AGO2: variants seen among roughly 807,000 people sequenced by gnomAD.
The protein encoded by AGO2 is argonaute RISC catalytic component 2.
A neutral mutation model predicts 102.3 loss-of-function variants in AGO2; 5 were observed. That is an observed-to-expected ratio of 0.05 (90% CI 0.03 to 0.10). The LOEUF (loss-of-function observed/expected upper bound fraction) is 0.10. AGO2 is among the 10% of genes least tolerant of loss of function. AGO2 has a pLI of 1.00. For missense variants in AGO2, 541 were observed against 1,183.7 expected (o/e 0.46, Z 7.97); for synonymous variants, 449 against 473.1 (o/e 0.95, Z 0.66).
At chr8:140,632,343 C>T (rs944362693) in intron 1 of AGO2, among the ~76,000 whole-genome samples, 1 of 152,254 alleles carries the variant, frequency 6.6e-6, no homozygotes, top group Non-Finnish European at 1.5e-5. Flanking sequence ...GATATCCTGC[C>T]ATGGCAGATG....
At chr8:140,627,103 A>T (rs2074288093) in intron 1 of AGO2, among the ~76,000 whole-genome samples, 1 of 152,228 alleles carries the variant, frequency 6.6e-6, no homozygotes, top group South Asian at 2.1e-4. Context: ...CTCCCCATTT[A>T]TATCCAGTGC....
chr8:140,573,399 A>C (rs1262616389), intron 2 of AGO2, among the ~76,000 whole-genome samples: 2 of 151,790 alleles, frequency 1.3e-5, no homozygotes, highest in East Asian at 3.9e-4. Flanking sequence ...GGCTGGTCTC[A>C]AACTCCCAAC....
intron 10 of AGO2, among the ~76,000 whole-genome samples, chr8:140,551,704 G>A (rs1371867793): frequency 1.3e-5 from 2 of 151,042 alleles, no homozygotes; most frequent in Non-Finnish European, 3.0e-5. Flanking sequence ...TGGGTCGGTG[G>A]ATAGTTGATG....
chr8:140,590,436 G>T (rs1484920666), intron 1 of AGO2, among the ~76,000 whole-genome samples: 3 of 152,078 alleles, frequency 2.0e-5, no homozygotes, highest in Admixed American at 1.3e-4. Context: ...GGGGTCCCAG[G>T]TCCCTGGCCA....
intron 8 of AGO2, among the ~76,000 whole-genome samples, chr8:140,556,602 C>A (rs901075844): frequency 6.6e-6 from 1 of 152,158 alleles, no homozygotes; most frequent in East Asian, 1.9e-4. Flanking sequence ...TCGGTGGCTG[C>A]GGGCGTGAAA....
chr8:140,552,841 G>A (rs559365323), intron 10 of AGO2, among the ~76,000 whole-genome samples: 8 of 152,124 alleles, frequency 5.3e-5, no homozygotes, highest in Non-Finnish European at 8.8e-5. Flanking sequence ...TCTTTGTTAC[G>A]GGGCTGTCCT....
At position 140,559,354 on chromosome 8, in the gene AGO2, C is replaced by T. The variant is rs1284291753; in HGVS notation, c.790+41G>A. The T allele has an allele frequency of 3.7e-6, 6 of 1,602,488 alleles. No homozygotes were observed. The African/African-American group carries it at 6.7e-5, about 18-fold the overall frequency. On this transcript the variant is annotated intron_variant, in intron 6 of 18. Coordinates refer to ENST00000220592, the MANE Select transcript of AGO2 (RefSeq NM_012154.5). ...GTCCCGGAGGCGGACCGGGAAGGGG[C>T]CTCCCAGCCCTCAGCCAGGTGTGCT...
At chr8:140,561,086 C>T (rs1204002855) in intron 4 of AGO2, among the ~76,000 whole-genome samples, 1 of 152,242 alleles carries the variant, frequency 6.6e-6, no homozygotes, top group Non-Finnish European at 1.5e-5. Context: ...GAAGGGCCAG[C>T]GTGAGGGCTT....
intron 14 of AGO2, among the ~76,000 whole-genome samples, chr8:140,543,067 G>T (rs2072829523): frequency 6.6e-6 from 1 of 152,092 alleles, no homozygotes; most frequent in Admixed American, 6.5e-5. Flanking sequence ...AACCTGGGAG[G>T]CAAAGGTTGC....
intron 13 of AGO2, among the ~76,000 whole-genome samples, chr8:140,546,056 C>T (rs1414485079): frequency 6.6e-6 from 1 of 152,230 alleles, no homozygotes; most frequent in Non-Finnish European, 1.5e-5. Context: ...GTGCTGCCCA[C>T]TTATGGCCCA....
rs144723211 is a variant in AGO2 at position 140,535,031 on chromosome 8, G to A, written c.2271+437C>T. Among the ~76,000 whole-genome samples the A allele has an allele frequency of 9.7e-3, 1,485 of 152,344 alleles. 14 individuals are homozygous for A. The highest frequency in any genetic ancestry group is 0.02 in the Middle Eastern group (6 of 294). On this transcript the variant is annotated intron_variant, in intron 17 of 18. Coordinates refer to ENST00000220592, the MANE Select transcript of AGO2 (RefSeq NM_012154.5). ...GAGCCTGGCCCTGGCCAGTGATTGC[G>A]CGAGGGGACGGCAAGGCTGACTGCG...
chr8:140,535,245 A>T, intron 17 of AGO2: 1 of 563,876 alleles, frequency 1.8e-6, no homozygotes, highest in Middle Eastern at 4.8e-4. Context: ...AGCCCTACCA[A>T]ATGGGACTTC....
At chr8:140,537,865 C>T (rs1446004467) in intron 16 of AGO2, among the ~76,000 whole-genome samples, 1 of 152,150 alleles carries the variant, frequency 6.6e-6, no homozygotes, top group East Asian at 1.9e-4. Flanking sequence ...GCCCCCCAGG[C>T]GGGAGTGCAG....
At chr8:140,605,826 G>C (rs900185957) in intron 1 of AGO2, 2 of 152,264 alleles carry the variant, frequency 1.3e-5, no homozygotes, top group Non-Finnish European at 2.9e-5. Flanking sequence ...CTGGCCCAGG[G>C]GCCAGGTGAG....
chr8:140,623,741 G>A (rs149906587), intron 1 of AGO2, among the ~76,000 whole-genome samples: 232 of 152,128 alleles, frequency 1.5e-3, no homozygotes, highest in Admixed American at 2.3e-3. Context: ...GGCCACAGAC[G>A]TCATCTCCCA....
chr8:140,536,201 C>G (rs2072693681), intron 16 of AGO2, among the ~76,000 whole-genome samples: 1 of 152,190 alleles, frequency 6.6e-6, no homozygotes, highest in Non-Finnish European at 1.5e-5. Flanking sequence ...GCCACGCCAG[C>G]AGCAAACCCC....
At chr8:140,581,167 C>T (rs1173943978) in intron 2 of AGO2, among the ~76,000 whole-genome samples, 1 of 152,238 alleles carries the variant, frequency 6.6e-6, no homozygotes, top group African/African-American at 2.4e-5. Flanking sequence ...CTTTGGGAGG[C>T]CAAGGTGAGC....
At position 140,531,968 on chromosome 8, in the gene AGO2, C is replaced by T; in HGVS notation, c.*76G>A. The T allele has an allele frequency of 7.9e-7, 1 of 1,266,738 alleles. No individual in the cohort carries two copies. The highest frequency in any genetic ancestry group is 1.2e-5 in the South Asian group (1 of 81,416). The allele number at this position is 1,266,738 out of a possible 1,614,324, so 78.5% of individuals were successfully genotyped here. ...TTCGATGCTGGCTGTCACGGAAGGG[C>T]TGGCCATCTGTTGGTCTGAGTGTAG... is the stretch of plus-strand genomic sequence containing the variant. On this transcript the variant is annotated 3_prime_UTR_variant, in exon 19 of 19. Transcript: ENST00000220592.
intron 7 of AGO2, 104 bp downstream of exon 7, chr8:140,558,381 G>T: frequency 1.6e-6 from 2 of 1,242,028 alleles, no homozygotes; most frequent in Non-Finnish European, 2.3e-6. Context: ...AGCATGAAAT[G>T]GTCCTTTCTG....
Sources: allele counts gnomAD v4.1 joint callset (sites outside exome capture counted in the v4.1 genomes callset), GRCh38; gene constraint gnomAD v4.1.1; transcripts MANE v1.5; gene names NCBI Gene and HGNC (gene_info 2026-07-23, HGNC 2026-07-21).